The following AKT2 variants were observed in gnomAD, a reference collection of about 807,000 sequenced individuals.
The protein encoded by AKT2 is RAC-beta serine/threonine-protein kinase.
AKT2 carries 16 observed loss-of-function variants against 58.6 expected under a neutral mutation model. That is an observed-to-expected ratio of 0.27 (90% confidence interval 0.18 to 0.41). AKT2 has a LOEUF of 0.41. Ranked by LOEUF, AKT2 falls within the 10% of genes least tolerant of loss-of-function variation. The pLI is 1.00. For missense variants in AKT2, 438 were observed against 661.0 expected, an observed-to-expected ratio of 0.66 and a Z score of 3.70; for synonymous variants, 253 against 254.0, an observed-to-expected ratio of 1.00 and a Z score of 0.04.
rs1038875870 is a variant in AKT2 at position 40,258,535 on chromosome 19, G to A, written c.47-1481C>T. ...TTTTTAATTAGCCAGGAGTCGTTGC[G>A]TGTGCCTGAAGTCCCAGCTACTCAG... On this transcript the variant is annotated intron_variant, in intron 2 of 13. Coordinates refer to ENST00000392038, the MANE Select transcript of AKT2 (RefSeq NM_001626.6). Among the ~76,000 whole-genome samples, 16 of 151,814 alleles carry A rather than the reference G, an allele frequency of 1.1e-4. No homozygotes were observed. The East Asian group carries it at 2.3e-3, about 22-fold the overall frequency.
intron 1 of AKT2, among the ~76,000 whole-genome samples, chr19:40,272,410 A>C (rs890245661): frequency 6.6e-6 from 1 of 152,136 alleles, no homozygotes; most frequent in Non-Finnish European, 1.5e-5. Context: ...CACACAACAC[A>C]ACAAGCCATC....
Position 40,256,793 on chromosome 19 carries a change from G to A in AKT2, c.175+133C>T. ...CTAACAAGGAGGGAGAGCAGGGGAA[G>A]GGTGAAAACAGATCCAAGGGCAAGC... On this transcript the variant is annotated intron_variant, in intron 3 of 13. Coordinates refer to ENST00000392038, the MANE Select transcript of AKT2 (RefSeq NM_001626.6). 2 of 1,368,874 alleles carry A rather than the reference G, an allele frequency of 1.5e-6. 1 individual carries two copies. The highest frequency in any genetic ancestry group is 2.4e-5 in the South Asian group (2 of 83,522). 84.8% of individuals were successfully genotyped at this position (1,368,874 alleles called of 1,614,324 possible).
rs138616335 is a variant in AKT2, at chr19:40,234,206, C to T, written c.1367-255G>A. 4.2e-3 allele frequency among the ~76,000 whole-genome samples: 640 copies of T among 152,312 alleles called. 3 individuals carry two copies. The highest frequency in any genetic ancestry group is 6.4e-3 in the Non-Finnish European group (437 of 68,012). On this transcript the variant is annotated intron_variant, in intron 13 of 13. Transcript: ENST00000392038. The surrounding 1 kb of genome is among the most constrained non-coding windows in gnomAD (Gnocchi z 4.7). ...CTGGCAGGGCCTTCTGAGCCTCCCA[C>T]CTTCTCTCTGCCCCACACACCACCA...
At position 40,231,138 on chromosome 19, in the gene AKT2, C is replaced by G. The variant is rs750799141; in HGVS notation, c.*2734G>C. 1 of 230,890 alleles carries G rather than the reference C, an allele frequency of 4.3e-6. No individual in the cohort carries two copies. Among genetic ancestry groups the G allele is most frequent in the African/African-American group, 2.2e-5 (1 of 45,180 alleles). The allele number at this position is 230,890 out of a possible 1,614,324, so 14.3% of individuals were successfully genotyped here. Reference sequence around the variant, plus strand: ...ATTTTATTAAGACTCTAAGTTCAAACACCCTTCTTGGGAAAAGCTCTACAG... The same window carrying G: ...ATTTTATTAAGACTCTAAGTTCAAAGACCCTTCTTGGGAAAAGCTCTACAG... On this transcript the variant is annotated 3_prime_UTR_variant, in exon 14 of 14. Transcript: ENST00000392038.
rs374077112 is a variant in AKT2, at chr19:40,230,716, G to GTT, written c.*3154_*3155dup. The GTT allele has an allele frequency of 0.089, 16,397 of 185,040 alleles. 892 individuals carry two copies. Among genetic ancestry groups the GTT allele is most frequent in the African/African-American group, 0.17 (7,067 of 41,118 alleles). 11.5% of individuals were successfully genotyped at this position (185,040 alleles called of 1,614,324 possible). Reference sequence around the variant, plus strand: ...TGTCTTTTTTAATAGCATGTATCATGTTTTTTTTTTTTTTATTTTTAGAGA... The same window carrying GTT: ...TGTCTTTTTTAATAGCATGTATCATGTTTTTTTTTTTTTTTTATTTTTAGAGA... On this transcript the variant is annotated 3_prime_UTR_variant, in exon 14 of 14. Transcript: ENST00000392038.
intron 7 of AKT2, 78 bp downstream of exon 7, chr19:40,239,967 C>G (rs776610195): frequency 2.8e-5 from 43 of 1,536,538 alleles, no homozygotes; most frequent in Non-Finnish European, 3.5e-5. Context: ...GTGCTTTGTA[C>G]CAGAAGATTA....
chr19:40,251,982 T>C (rs1403325080), intron 4 of AKT2, among the ~76,000 whole-genome samples: 1 of 152,170 alleles, frequency 6.6e-6, no homozygotes, highest in Non-Finnish European at 1.5e-5. Flanking sequence ...TCTTTCAACT[T>C]TTCTCCATGT....
chr19:40,254,569 T>C (rs1975400352), intron 4 of AKT2, among the ~76,000 whole-genome samples: 1 of 151,342 alleles, frequency 6.6e-6, no homozygotes, highest in African/African-American at 2.4e-5. Context: ...GGCTTGCACC[T>C]GTAATCCCAG....
intron 2 of AKT2, among the ~76,000 whole-genome samples, chr19:40,264,996 G>T (rs1251699905): frequency 6.6e-6 from 1 of 152,188 alleles, no homozygotes; most frequent in African/African-American, 2.4e-5. Context: ...TCTATAAAAT[G>T]GGGCTATGAA....
At chr19:40,259,007 A>C (rs1459759321) in intron 2 of AKT2, among the ~76,000 whole-genome samples, 1 of 152,208 alleles carries the variant, frequency 6.6e-6, no homozygotes, top group Non-Finnish European at 1.5e-5. Flanking sequence ...AAAATTTACT[A>C]TACAAAGCTA....
Position 40,233,053 on chromosome 19 carries a change from C to T in AKT2, c.*819G>A, listed in dbSNP as rs546615309. 4.2e-6 allele frequency: 1 copy of T among 236,530 alleles called. No individual in the cohort carries two copies. The highest frequency in any genetic ancestry group is 8.3e-6 in the Non-Finnish European group (1 of 120,446). 14.7% of individuals were successfully genotyped at this position (236,530 alleles called of 1,614,324 possible). On this transcript the variant is annotated 3_prime_UTR_variant, in exon 14 of 14. Transcript: ENST00000392038. The surrounding 1 kb of genome is among the most constrained non-coding windows in gnomAD (Gnocchi z 4.3). The stretch of plus-strand genomic sequence containing the variant: ...GGAGAGGGTGAGCCCAGCCCATAGC[C>T]CCCAGTGGGGCCAGGCCAGGCCCAG...
At chr19:40,279,637 C>T (rs1444548624) in intron 1 of AKT2, 4 of 147,936 alleles carry the variant, frequency 2.7e-5, no homozygotes, top group African/African-American at 5.0e-5. Context: ...TAGGAAGATA[C>T]CCTGGAACAC....
Position 40,238,365 on chromosome 19 carries a change from C to T in AKT2, c.709-274G>A, listed in dbSNP as rs753953331. 1.3e-5 allele frequency among the ~76,000 whole-genome samples: 2 copies of T among 152,196 alleles called. No homozygotes were observed. The highest frequency in any genetic ancestry group is 2.9e-5 in the Non-Finnish European group (2 of 68,032). On this transcript the variant is annotated intron_variant, in intron 8 of 13. Coordinates refer to ENST00000392038, the MANE Select transcript of AKT2 (RefSeq NM_001626.6). This position sits in a 1 kb window ranked among gnomAD's most constrained non-coding sequence, Gnocchi z 5.1. ...AGGATGGCATGGAGGCAAAAAGAAG[C>T]ACACGTCATGACCAAGTAACAATAG...
At chr19:40,270,227 A>G (rs565730149) in intron 1 of AKT2, among the ~76,000 whole-genome samples, 13 of 152,152 alleles carry the variant, frequency 8.5e-5, no homozygotes, top group African/African-American at 3.1e-4. Flanking sequence ...ATCACCACCG[A>G]TGTTACTGTA....
chr19:40,241,914 G>T, intron 6 of AKT2, 24 bp downstream of exon 6: 5 of 1,612,966 alleles, frequency 3.1e-6, no homozygotes, highest in Non-Finnish European at 4.2e-6. Flanking sequence ...AGAGGCTCGC[G>T]AGCGCAATTC....
In AKT2 at chr19:40,238,502, C is replaced by T. The variant is rs367910101; in HGVS notation, c.708+403G>A. On this transcript the variant is annotated intron_variant, in intron 8 of 13. Transcript: ENST00000392038. This position sits in a 1 kb window ranked among gnomAD's most constrained non-coding sequence, Gnocchi z 5.1. ...CAAGGAGTGGGTGACAAAAGTGAGG[C>T]GACTCTGTAAGGGGAAGCTGAGCGG... 1.3e-5 allele frequency among the ~76,000 whole-genome samples: 2 copies of T among 152,226 alleles called. No homozygotes were observed.
In AKT2 at chr19:40,235,030, G is replaced by A. The variant is rs755778410; in HGVS notation, c.1366+15C>T. ...CTGGGGCAGGCACACCAGCGCGGGG[G>A]CCCCAGGCACTCACAGCGGTCAGGG... On this transcript the variant is annotated intron_variant, in intron 13 of 13. Coordinates refer to ENST00000392038, the MANE Select transcript of AKT2 (RefSeq NM_001626.6). This position sits in a 1 kb window ranked among gnomAD's most constrained non-coding sequence, Gnocchi z 6.3. 23 of 1,611,408 alleles carry A rather than the reference G, an allele frequency of 1.4e-5. No individual in the cohort carries two copies. Among genetic ancestry groups the A allele is most frequent in the Non-Finnish European group, 2.0e-5 (23 of 1,177,594 alleles).
In AKT2 at chr19:40,257,313, A is replaced by T. The variant is rs552333817; in HGVS notation, c.47-259T>A. Among the ~76,000 whole-genome samples, 211 of 152,330 alleles carry T rather than the reference A, an allele frequency of 1.4e-3. 3 individuals are homozygous for T. The highest frequency in any genetic ancestry group is 2.2e-3 in the Non-Finnish European group (149 of 68,022). On this transcript the variant is annotated intron_variant, in intron 2 of 13. Coordinates refer to ENST00000392038, the MANE Select transcript of AKT2 (RefSeq NM_001626.6). ...GGTGCCAGCAGCAGTGCCCTGGGGCACCAGTTGCCTCAGCGTGTGGCAAGG... is the reference window on the plus strand; with the variant it reads ...GGTGCCAGCAGCAGTGCCCTGGGGCTCCAGTTGCCTCAGCGTGTGGCAAGG...
intron 4 of AKT2, among the ~76,000 whole-genome samples, chr19:40,245,574 T>C (rs1600001503): frequency 6.6e-6 from 1 of 152,006 alleles, no homozygotes; most frequent in South Asian, 2.1e-4. Context: ...TAATAACAAA[T>C]GGGAAGCACT....
Sources: gnomAD v4.1 joint callset for allele counts (sites outside exome capture counted in the v4.1 genomes callset) on GRCh38, gnomAD v4.1.1 for gene constraint, Gnocchi (gnomAD v3.1) non-coding constraint, MANE v1.5 for transcripts, NCBI Gene and HGNC (gene_info 2026-07-23, HGNC 2026-07-21) for gene names.